The following NUPR1 variants were observed in gnomAD, a reference collection of about 807,000 sequenced individuals.
The protein encoded by NUPR1 is nuclear protein 1.
A neutral mutation model predicts 7.3 loss-of-function variants in NUPR1; 8 were observed. The ratio of observed to expected loss-of-function variants is 1.09; its 90% CI spans 0.64 to 1.97. NUPR1 has a LOEUF of 1.97. NUPR1 is among the 30% of genes most tolerant of loss of function. NUPR1 has a pLI of 0.00. For missense variants in NUPR1, 96 were observed against 111.7 expected (o/e 0.86, Z 0.63); for synonymous variants, 39 against 44.5 (o/e 0.88, Z 0.49).
rs2046630653 is a variant in NUPR1 at position 28,537,333 on chromosome 16, A to G, written c.*350T>C. ...AGCACACACATGCCCGAACAAAAACACACAAAGAACAAGGATGAACACACA... is the reference window on the plus strand; with the variant it reads ...AGCACACACATGCCCGAACAAAAACGCACAAAGAACAAGGATGAACACACA... On this transcript the variant is annotated 3_prime_UTR_variant, in exon 3 of 3. Coordinates refer to ENST00000324873, the MANE Select transcript of NUPR1 (RefSeq NM_012385.3). 1.3e-5 allele frequency: 2 copies of G among 152,278 alleles called. No individual in the cohort carries two copies. Among genetic ancestry groups the G allele is most frequent in the African/African-American group, 4.8e-5 (2 of 41,442 alleles). The allele number at this position is 152,278 out of a possible 1,614,324, so 9.4% of individuals were successfully genotyped here.
rs1596586532 is a variant in NUPR1 at position 28,535,568 on chromosome 16, C to CTTCTTTCTTTCTTTCT, written c.*2114_*2115insAGAAAGAAAGAAAGAA. ...CCTTCTTTCTTTCTTTCTTTCCTTC[C>CTTCTTTCTTTCTTTCT]TTCCTTTCTTTCTTTCTTTCTTTCT... On this transcript the variant is annotated 3_prime_UTR_variant, in exon 3 of 3. Coordinates refer to ENST00000324873, the MANE Select transcript of NUPR1 (RefSeq NM_012385.3). 26 of 34,990 alleles carry CTTCTTTCTTTCTTTCT rather than the reference C, an allele frequency of 7.4e-4. No individual in the cohort carries two copies. Among genetic ancestry groups the CTTCTTTCTTTCTTTCT allele is most frequent in the East Asian group, 3.0e-3 (4 of 1,318 alleles). 2.2% of individuals were successfully genotyped at this position (34,990 alleles called of 1,614,324 possible).
rs1368096725 is a variant in NUPR1, at chr16:28,538,933, C to T, written c.-26G>A. 1 of 1,581,328 alleles carries T rather than the reference C, an allele frequency of 6.3e-7. No homozygotes were observed. Among genetic ancestry groups the T allele is most frequent in the Non-Finnish European group, 8.7e-7 (1 of 1,154,276 alleles). ...CGTGCCTGGCTTGTCTTCCCTGCCTCTCTTCTTCTCCTAACGCTTTGTCTG... is the reference window on the plus strand; with the variant it reads ...CGTGCCTGGCTTGTCTTCCCTGCCTTTCTTCTTCTCCTAACGCTTTGTCTG... On this transcript the variant is annotated 5_prime_UTR_variant, in exon 1 of 3. Transcript: ENST00000324873.
At position 28,535,503 on chromosome 16, in the gene NUPR1, T is replaced by TTTTCTTTCTTTTC. The variant is rs2046604934; in HGVS notation, c.*2179_*2180insGAAAAGAAAGAAA. 1 of 98,470 alleles carries TTTTCTTTCTTTTC rather than the reference T, an allele frequency of 1.0e-5. No homozygotes were observed. Among genetic ancestry groups the TTTTCTTTCTTTTC allele is most frequent in the East Asian group, 4.4e-4 (1 of 2,288 alleles). 6.1% of individuals were successfully genotyped at this position (98,470 alleles called of 1,614,324 possible). A position where few individuals can be genotyped will look rare whatever the true frequency, so the allele number is the denominator to read the frequency against. On this transcript the variant is annotated 3_prime_UTR_variant, in exon 3 of 3. Transcript: ENST00000324873. Reference sequence around the variant, plus strand: ...TGAGCCACTGTGCCGGGGCTCGCTCTTTTCTTTCTTTCTTTCTTTCTTTCT... The same window carrying TTTTCTTTCTTTTC: ...TGAGCCACTGTGCCGGGGCTCGCTCTTTTCTTTCTTTTCTTTCTTTCTTTCTTTCTTTCTTTCT...
In NUPR1 at chr16:28,536,098, TAA is replaced by T. The variant is rs2046621807; in HGVS notation, c.*1583_*1584del. The stretch of plus-strand genomic sequence containing the variant: ...GGCCAGGCGTGGTGGCTGACGCCTG[TAA>T]TCCCAGCACTTTGGGAGGCCAAGGT... On this transcript the variant is annotated 3_prime_UTR_variant, in exon 3 of 3. Coordinates refer to ENST00000324873, the MANE Select transcript of NUPR1 (RefSeq NM_012385.3). 1.3e-5 allele frequency: 2 copies of T among 152,214 alleles called. No individual in the cohort carries two copies. Among genetic ancestry groups the T allele is most frequent in the Non-Finnish European group, 2.9e-5 (2 of 68,094 alleles). The allele number at this position is 152,214 out of a possible 1,614,324, so 9.4% of individuals were successfully genotyped here.
chr16:28,535,588 CTTT>C lies in NUPR1; in HGVS notation c.*2092_*2094del, dbSNP rs1567277584. ...CCTTCCTTCCTTTCTTTCTTTCTTT[CTTT>C]CTTTCTTTCTTTCTTTCTTTCTTTC... On this transcript the variant is annotated 3_prime_UTR_variant, in exon 3 of 3. Transcript: ENST00000324873. 7 of 19,512 alleles carry C rather than the reference CTTT, an allele frequency of 3.6e-4. No homozygotes were observed. The highest frequency in any genetic ancestry group is 1.2e-3 in the African/African-American group (6 of 4,996). 1.2% of individuals were successfully genotyped at this position (19,512 alleles called of 1,614,324 possible).
At position 28,535,544 on chromosome 16, in the gene NUPR1, C is replaced by CTTTCTTTTTCT. The variant is rs1406601108; in HGVS notation, c.*2138_*2139insAGAAAAAGAAA. ...CTTTCTTTCTTTCTTTCTTTCTTTC[C>CTTTCTTTTTCT]TTCTTTCTTTCTTTCTTTCCTTCCT... On this transcript the variant is annotated 3_prime_UTR_variant, in exon 3 of 3. Coordinates refer to ENST00000324873, the MANE Select transcript of NUPR1 (RefSeq NM_012385.3). The CTTTCTTTTTCT allele has an allele frequency of 3.4e-5, 2 of 58,122 alleles. No individual in the cohort carries two copies. The highest frequency in any genetic ancestry group is 1.2e-4 in the African/African-American group (2 of 16,694). The allele number at this position is 58,122 out of a possible 1,614,324, so 3.6% of individuals were successfully genotyped here. A position where few individuals can be genotyped will look rare whatever the true frequency, so the allele number is the denominator to read the frequency against.
At chr16:28,538,422 G>A in intron 1 of NUPR1, 1 of 592,258 alleles carries the variant, frequency 1.7e-6, no homozygotes, top group Non-Finnish European at 3.0e-6. Flanking sequence ...GGGCAGGGTG[G>A]CTCACTCCTG....
In NUPR1 at chr16:28,533,279, T is replaced by A. The variant is rs2046592543; in HGVS notation, c.*4404A>T. The A allele has an allele frequency of 6.6e-6, 1 of 152,226 alleles. No individual in the cohort carries two copies. Among genetic ancestry groups the A allele is most frequent in the African/African-American group, 2.4e-5 (1 of 41,438 alleles). The allele number at this position is 152,226 out of a possible 1,614,324, so 9.4% of individuals were successfully genotyped here. A position where few individuals can be genotyped will look rare whatever the true frequency, so the allele number is the denominator to read the frequency against. Reference sequence around the variant, plus strand: ...GGCAAAATCTGAAGGATTTCCAAGGTAGACTGTAAGATTCTGGGCCCAGGC... The same window carrying A: ...GGCAAAATCTGAAGGATTTCCAAGGAAGACTGTAAGATTCTGGGCCCAGGC... On this transcript the variant is annotated 3_prime_UTR_variant, in exon 3 of 3. Coordinates refer to ENST00000324873, the MANE Select transcript of NUPR1 (RefSeq NM_012385.3).
chr16:28,538,457 A>C (rs1249669140), intron 1 of NUPR1: 1 of 575,368 alleles, frequency 1.7e-6, no homozygotes, highest in East Asian at 3.0e-5. Context: ...TGGGAGGCCA[A>C]GGCAGGAGAA....
Position 28,536,452 on chromosome 16 carries a change from G to A in NUPR1, c.*1231C>T, listed in dbSNP as rs1567277961. 6.6e-6 allele frequency: 1 copy of A among 152,242 alleles called. No individual in the cohort carries two copies. The highest frequency in any genetic ancestry group is 2.4e-5 in the African/African-American group (1 of 41,440). The allele number at this position is 152,242 out of a possible 1,614,324, so 9.4% of individuals were successfully genotyped here. ...GCACGAGAATTGCTTGAACCCGGGA[G>A]GCAGAGGTTGCAGTGAGCCAAGATG... On this transcript the variant is annotated 3_prime_UTR_variant, in exon 3 of 3. Coordinates refer to ENST00000324873, the MANE Select transcript of NUPR1 (RefSeq NM_012385.3).
rs1314239993 is a variant in NUPR1, at chr16:28,535,446, C to G, written c.*2237G>C. The G allele has an allele frequency of 6.6e-6, 1 of 152,328 alleles. No homozygotes were observed. Among genetic ancestry groups the G allele is most frequent in the African/African-American group, 2.4e-5 (1 of 41,430 alleles). 9.4% of individuals were successfully genotyped at this position (152,328 alleles called of 1,614,324 possible). A position where few individuals can be genotyped will look rare whatever the true frequency, so the allele number is the denominator to read the frequency against. ...TACTGACCTCAGGTGATCCGCCTGC[C>G]TTGGCCTCCCAAAGTGCTGGGATTA... On this transcript the variant is annotated 3_prime_UTR_variant, in exon 3 of 3. Transcript: ENST00000324873.
In NUPR1 at chr16:28,535,571, C is replaced by CCTT. The variant is rs71140975; in HGVS notation, c.*2109_*2111dup. ...TCTTTCTTTCTTTCTTTCCTTCCTT[C>CCTT]CTTTCTTTCTTTCTTTCTTTCTTTC... On this transcript the variant is annotated 3_prime_UTR_variant, in exon 3 of 3. Transcript: ENST00000324873. The CCTT allele has an allele frequency of 3.6e-3, 258 of 71,850 alleles. 2 individuals carry two copies. Among genetic ancestry groups the CCTT allele is most frequent in the African/African-American group, 0.013 (226 of 16,840 alleles). The allele number at this position is 71,850 out of a possible 1,614,324, so 4.5% of individuals were successfully genotyped here.
Position 28,535,591 on chromosome 16 carries a change from T to TC in NUPR1, c.*2091dup, listed in dbSNP as rs1567277604. ...TCCTTCCTTTCTTTCTTTCTTTCTT[T>TC]CTTTCTTTCTTTCTTTCTTTCTTTC... is the stretch of plus-strand genomic sequence containing the variant. On this transcript the variant is annotated 3_prime_UTR_variant, in exon 3 of 3. Coordinates refer to ENST00000324873, the MANE Select transcript of NUPR1 (RefSeq NM_012385.3). The TC allele has an allele frequency of 8.7e-4, 42 of 48,388 alleles. 2 individuals carry two copies. Among genetic ancestry groups the TC allele is most frequent in the African/African-American group, 4.0e-3 (41 of 10,356 alleles). The allele number at this position is 48,388 out of a possible 1,614,324, so 3.0% of individuals were successfully genotyped here.
chr16:28,534,410 T>C lies in NUPR1; in HGVS notation c.*3273A>G, dbSNP rs2046598412. 1 of 152,274 alleles carries C rather than the reference T, an allele frequency of 6.6e-6. No homozygotes were observed. Among genetic ancestry groups the C allele is most frequent in the Non-Finnish European group, 1.5e-5 (1 of 68,078 alleles). The allele number at this position is 152,274 out of a possible 1,614,324, so 9.4% of individuals were successfully genotyped here. On this transcript the variant is annotated 3_prime_UTR_variant, in exon 3 of 3. Coordinates refer to ENST00000324873, the MANE Select transcript of NUPR1 (RefSeq NM_012385.3). ...GTACTTCGGTCTTCTGTGGATGTCC[T>C]TGGGTCCCCATGAACCACTGACTCC...
rs1301229554 is a variant in NUPR1 at position 28,535,323 on chromosome 16, CTT to C, written c.*2358_*2359del. 1 of 150,340 alleles carries C rather than the reference CTT, an allele frequency of 6.7e-6. No homozygotes were observed. Among genetic ancestry groups the C allele is most frequent in the Non-Finnish European group, 1.5e-5 (1 of 67,564 alleles). The allele number at this position is 150,340 out of a possible 1,614,324, so 9.3% of individuals were successfully genotyped here. A position where few individuals can be genotyped will look rare whatever the true frequency, so the allele number is the denominator to read the frequency against. Reference sequence around the variant, plus strand: ...CCTCCTTCTCTCTTTCTTTCTCTCTCTTTTTCTTTTTTTGAGATGGAGTTTTG... The same window carrying C: ...CCTCCTTCTCTCTTTCTTTCTCTCTCTTTCTTTTTTTGAGATGGAGTTTTG... On this transcript the variant is annotated 3_prime_UTR_variant, in exon 3 of 3. Coordinates refer to ENST00000324873, the MANE Select transcript of NUPR1 (RefSeq NM_012385.3).
At chr16:28,538,624 AGTT>A (rs1230921159) in intron 1 of NUPR1, 169 bp downstream of exon 1, 2 of 703,828 alleles carry the variant, frequency 2.8e-6, no homozygotes, top group Middle Eastern at 2.6e-4. Flanking sequence ...GAGTTGTTTG[AGTT>A]GTTGTGATCA....
In NUPR1 at chr16:28,537,996, G is replaced by A. The variant is rs771793703; in HGVS notation, c.*13+10C>T. On this transcript the variant is annotated intron_variant, in intron 2 of 2. Transcript: ENST00000324873. Reference sequence around the variant, plus strand: ...CCACCTTGAGCTCTCTGGGCCCCCCGACTCCTTACCTCCAGCTCTGTCTCA... The same window carrying A: ...CCACCTTGAGCTCTCTGGGCCCCCCAACTCCTTACCTCCAGCTCTGTCTCA... The A allele has an allele frequency of 1.1e-5, 18 of 1,601,286 alleles. No individual in the cohort carries two copies. Among genetic ancestry groups the A allele is most frequent in the East Asian group, 9.0e-5 (4 of 44,640 alleles).
rs771055863 is a variant in NUPR1, at chr16:28,538,851, G to A, written c.57C>T (p.Asp19=). ...SAPQQPPGPE[D]EDSSLDESDL... ...CAGATTCATCCAGGCTGGAGTCCTC[G>A]TCCTCCGGGCCTGGGGGCTGCTGGG... Residue 19 remains aspartate (D), a synonymous_variant, in exon 1 of 3, where the codon GAC becomes GAT. Transcript: ENST00000324873. The A allele has an allele frequency of 4.3e-6, 7 of 1,613,284 alleles. No individual in the cohort carries two copies. Among genetic ancestry groups the A allele is most frequent in the South Asian group, 3.3e-5 (3 of 91,048 alleles).
rs1217391263 is a variant in NUPR1, at chr16:28,535,540, T to TTTCCTTCC, written c.*2142_*2143insGGAAGGAA. ...CTTTCTTTCTTTCTTTCTTTCTTTC[T>TTTCCTTCC]TTCCTTCTTTCTTTCTTTCTTTCCT... On this transcript the variant is annotated 3_prime_UTR_variant, in exon 3 of 3. Transcript: ENST00000324873. The TTTCCTTCC allele has an allele frequency of 1.5e-5, 1 of 65,094 alleles. No individual in the cohort carries two copies. The highest frequency in any genetic ancestry group is 5.2e-4 in the South Asian group (1 of 1,914). The allele number at this position is 65,094 out of a possible 1,614,324, so 4.0% of individuals were successfully genotyped here.
Sources: allele counts gnomAD v4.1 joint callset, GRCh38; gene constraint gnomAD v4.1.1; transcripts MANE v1.5; gene names NCBI Gene and HGNC (gene_info 2026-07-23, HGNC 2026-07-21).